The following SENP2 variants were observed in gnomAD, a reference collection of about 807,000 sequenced individuals.
The protein encoded by SENP2 is sentrin-specific protease 2.
A neutral mutation model predicts 86.3 loss-of-function variants in SENP2; 16 were observed. The observed-to-expected ratio is 0.19, with a 90% CI of 0.13 to 0.28. The LOEUF is 0.28. Among genes scored for constraint, SENP2 ranks in the 10% least tolerant of loss-of-function variants. SENP2 has a pLI of 1.00. For synonymous variants in SENP2, 222 were observed against 238.7 expected (o/e 0.93, Z 0.64); for missense variants, 552 against 703.0 (o/e 0.79, Z 2.43).
At position 185,594,976 on chromosome 3, in the gene SENP2, G is replaced by A. The variant is rs141337295; in HGVS notation, c.158-3436G>A. 4.5e-3 allele frequency among the ~76,000 whole-genome samples: 679 copies of A among 152,098 alleles called. 5 individuals carry two copies. Among genetic ancestry groups the A allele is most frequent in the African/African-American group, 0.015 (635 of 41,488 alleles). On this transcript the variant is annotated intron_variant, in intron 2 of 16. Coordinates refer to ENST00000296257, the MANE Select transcript of SENP2 (RefSeq NM_021627.3). ...TGACCTCAAGTGATCCACCCACCTT[G>A]GCCTCCCAAAGTGCTGGGATTACAG...
chr3:185,625,182 G>A (rs1338824570), intron 15 of SENP2, among the ~76,000 whole-genome samples: 1 of 151,726 alleles, frequency 6.6e-6, no homozygotes, highest in African/African-American at 2.4e-5. Flanking sequence ...CGCAATCTTG[G>A]CTCACTGCAA....
chr3:185,623,705 T>C (rs914844981), intron 14 of SENP2, among the ~76,000 whole-genome samples: 1 of 151,290 alleles, frequency 6.6e-6, no homozygotes, highest in African/African-American at 2.4e-5. Context: ...CGTGCTCCTG[T>C]GGTCCCAGCT....
intron 5 of SENP2, among the ~76,000 whole-genome samples, chr3:185,604,872 C>A: frequency 6.6e-6 from 1 of 151,522 alleles, no homozygotes; most frequent in East Asian, 2.0e-4. Context: ...TCTCCTGCCT[C>A]AGTCTCTCGA....
At position 185,631,448 on chromosome 3, in the gene SENP2, T is replaced by TCTC. The variant is rs1712457865; in HGVS notation, c.*1605_*1606insTCC. The TCTC allele has an allele frequency of 1.1e-3, 2 of 1,788 alleles. No homozygotes were observed. The highest frequency in any genetic ancestry group is 0.016 in the East Asian group (1 of 62). The allele number at this position is 1,788 out of a possible 1,614,324, so 0.1% of individuals were successfully genotyped here. On this transcript the variant is annotated 3_prime_UTR_variant, in exon 17 of 17. Coordinates refer to ENST00000296257, the MANE Select transcript of SENP2 (RefSeq NM_021627.3). ...TCTCCCCCCCCCCTCCCACTCCCCC[T>TCTC]CCCTCCCTCTCCCCTCCCCCTCCCT...
intron 6 of SENP2, among the ~76,000 whole-genome samples, chr3:185,608,559 T>C (rs992197625): frequency 2.0e-5 from 3 of 152,200 alleles, no homozygotes; most frequent in Non-Finnish European, 4.4e-5. Flanking sequence ...CGTGGATATA[T>C]GTGATGGAAA....
chr3:185,591,246 G>A (rs533936670), intron 2 of SENP2, among the ~76,000 whole-genome samples: 88 of 151,744 alleles, frequency 5.8e-4, no homozygotes, highest in African/African-American at 2.1e-3. Flanking sequence ...CTTTTCTAGA[G>A]GTAACTACTG....
chr3:185,612,408 A>G (rs1325162824), intron 8 of SENP2, 199 bp from the exon 9 acceptor site: 4 of 500,158 alleles, frequency 8.0e-6, no homozygotes, highest in Admixed American at 3.3e-5. Context: ...TATAGTAAAG[A>G]TTATATTTAA....
rs1712367148 is a variant in SENP2, at chr3:185,630,428, T to G, written c.*584T>G. 6.5e-6 allele frequency: 1 copy of G among 153,262 alleles called. No individual in the cohort carries two copies. Among genetic ancestry groups the G allele is most frequent in the African/African-American group, 2.4e-5 (1 of 41,450 alleles). The allele number at this position is 153,262 out of a possible 1,614,324, so 9.5% of individuals were successfully genotyped here. On this transcript the variant is annotated 3_prime_UTR_variant, in exon 17 of 17. Coordinates refer to ENST00000296257, the MANE Select transcript of SENP2 (RefSeq NM_021627.3). ...GTTTGGGATTTTTTTTGTTTTTGTT[T>G]TTTTGAGGCTCAAAAAATGCTGGGA... is the stretch of plus-strand genomic sequence containing the variant.
intron 15 of SENP2, 105 bp downstream of exon 15, chr3:185,624,187 T>A: frequency 3.0e-6 from 2 of 663,986 alleles, no homozygotes; most frequent in Non-Finnish European, 5.1e-6. Flanking sequence ...TGCATGCTTT[T>A]AAAGTACACA....
chr3:185,606,806 T>G, intron 6 of SENP2: 1 of 522,020 alleles, frequency 1.9e-6, no homozygotes, highest in Non-Finnish European at 3.7e-6. Context: ...ATCAAGCATG[T>G]TGCTTATCGA....
chr3:185,593,535 C>T (rs1272591658), intron 2 of SENP2, among the ~76,000 whole-genome samples: 1 of 152,122 alleles, frequency 6.6e-6, no homozygotes, highest in African/African-American at 2.4e-5. Context: ...CATTATGTAA[C>T]ATTTGAATGA....
chr3:185,598,413 T>C lies in SENP2; in HGVS notation c.159T>C (p.Asp53=). ...TTACAGTTTGTTGACACTTTCTAGA[T>C]TGCTTTATTCACCAAGTGAAAAACA... ...DEIPAKRPRL[D]CFIHQVKNSL... Residue 53 remains aspartate, a splice_region_variant and synonymous_variant, in exon 3 of 17, where the codon GAT becomes GAC. Coordinates refer to ENST00000296257, the MANE Select transcript of SENP2 (RefSeq NM_021627.3). 1 of 1,613,742 alleles carries C rather than the reference T, an allele frequency of 6.2e-7. No individual in the cohort carries two copies. The highest frequency in any genetic ancestry group is 1.1e-5 in the South Asian group (1 of 91,068).
chr3:185,613,991 G>A (rs80164709), intron 10 of SENP2, among the ~76,000 whole-genome samples: 12,986 of 152,098 alleles, frequency 0.085, 862 homozygotes, highest in South Asian at 0.34. Context: ...GCTTCTTAGG[G>A]AGAATTTCTT....
chr3:185,590,077 A>G, intron 1 of SENP2, 37 bp from the exon 2 acceptor site: 7 of 1,177,500 alleles, frequency 5.9e-6, no homozygotes, highest in Non-Finnish European at 8.4e-6. Flanking sequence ...GTGTGTGTAA[A>G]TCTATATATA....
chr3:185,606,265 A>T, intron 5 of SENP2, 65 bp from the exon 6 acceptor site: 3 of 1,430,820 alleles, frequency 2.1e-6, no homozygotes, highest in Non-Finnish European at 2.8e-6. Flanking sequence ...ATGGTCTGGG[A>T]GCTTAGATTC....
intron 15 of SENP2, among the ~76,000 whole-genome samples, chr3:185,625,647 T>G (rs1211257639): frequency 2.0e-5 from 3 of 152,186 alleles, no homozygotes; most frequent in Admixed American, 6.5e-5. Flanking sequence ...CAAGTGTTTT[T>G]GCCTTACGGC....
chr3:185,613,296 G>C lies in SENP2; in HGVS notation c.870-49G>C, dbSNP rs779811521. ...TATTTCTAAAACTAGGATGTACTAGGTTTGAATCATCTAGCAGAAGTCTAT... is the reference window on the plus strand; with the variant it reads ...TATTTCTAAAACTAGGATGTACTAGCTTTGAATCATCTAGCAGAAGTCTAT... On this transcript the variant is annotated intron_variant, in intron 9 of 16. Transcript: ENST00000296257. The C allele has an allele frequency of 1.5e-5, 16 of 1,078,868 alleles. No homozygotes were observed. The South Asian group carries it at 2.2e-4, about 15-fold the overall frequency. The allele number at this position is 1,078,868 out of a possible 1,614,324, so 66.8% of individuals were successfully genotyped here.
chr3:185,619,869 AG>A (rs1488007460), intron 13 of SENP2, among the ~76,000 whole-genome samples: 1 of 152,066 alleles, frequency 6.6e-6, no homozygotes, highest in African/African-American at 2.4e-5. Context: ...CTAGGACTAC[AG>A]GCATGGTCCA....
At chr3:185,626,053 G>A (rs1465297185) in intron 15 of SENP2, among the ~76,000 whole-genome samples, 1 of 152,186 alleles carries the variant, frequency 6.6e-6, no homozygotes, top group Non-Finnish European at 1.5e-5. Flanking sequence ...GTATTCACAA[G>A]TTACATCTTA....
Sources: gnomAD v4.1 joint callset for allele counts (sites outside exome capture counted in the v4.1 genomes callset) on GRCh38, gnomAD v4.1.1 for gene constraint, MANE v1.5 for transcripts, NCBI Gene and HGNC (gene_info 2026-07-23, HGNC 2026-07-21) for gene names.